The following CACNB2 variants were observed in gnomAD, a reference collection of about 807,000 sequenced individuals.
CACNB2 encodes voltage-dependent L-type calcium channel subunit beta-2.
In CACNB2, 42 loss-of-function variants were observed where a neutral mutation model predicts 73.3. The ratio of observed to expected loss-of-function variants is 0.57; its 90% CI spans 0.45 to 0.74. The LOEUF (loss-of-function observed/expected upper bound fraction) is 0.74. CACNB2 is among the 30% of genes least tolerant of loss of function. The pLI is 0.00. For synonymous variants in CACNB2, 348 were observed against 310.3 expected (o/e 1.12, Z -1.28); for missense variants, 940 against 853.0 (o/e 1.10, Z -1.27).
chr10:18,323,263 C>A (rs990041889), intron 2 of CACNB2, among the ~76,000 whole-genome samples: 1 of 151,942 alleles, frequency 6.6e-6, no homozygotes, highest in Non-Finnish European at 1.5e-5. Context: ...CTGGCCTCTC[C>A]TTGTTTTTCT....
chr10:18,238,892 G>C (rs1393017016), intron 2 of CACNB2, among the ~76,000 whole-genome samples: 2 of 152,138 alleles, frequency 1.3e-5, no homozygotes, highest in African/African-American at 4.8e-5. Context: ...AATGAAAAAA[G>C]ACCTGATTCG....
chr10:18,241,804 A>G lies in CACNB2; in HGVS notation c.213+90829A>G, dbSNP rs535093038. On this transcript the variant is annotated intron_variant, in intron 2 of 13. Transcript: ENST00000324631. ...CTTTTAATCTTTATAGTCTGCTGAA[A>G]AGCCAGAGAAATGACTTCTGGAATA... Among the ~76,000 whole-genome samples, 24 of 152,188 alleles carry G rather than the reference A, an allele frequency of 1.6e-4. No homozygotes were observed. In the South Asian group the frequency reaches 4.8e-3, roughly 30 times the overall value.
intron 2 of CACNB2, among the ~76,000 whole-genome samples, chr10:18,289,559 G>C (rs528197155): frequency 3.9e-5 from 6 of 152,100 alleles, no homozygotes; most frequent in Non-Finnish European, 8.8e-5. Context: ...CTCTCAAAGT[G>C]CTGGGATTAC....
At chr10:18,287,534 T>A (rs1035620799) in intron 2 of CACNB2, among the ~76,000 whole-genome samples, 1 of 151,520 alleles carries the variant, frequency 6.6e-6, no homozygotes, top group African/African-American at 2.4e-5. Flanking sequence ...AAATTTACTG[T>A]CTCACAGCTC....
Position 18,144,634 on chromosome 10 carries a change from C to G in CACNB2, c.120+3778C>G, listed in dbSNP as rs150725869. Among the ~76,000 whole-genome samples, 408 of 152,286 alleles carry G rather than the reference C, an allele frequency of 2.7e-3. 3 individuals carry two copies. The highest frequency in any genetic ancestry group is 5.1e-3 in the Non-Finnish European group (348 of 68,030). ...GCCCTTGAAATGTGGCTGGTCTGAA[C>G]TGATATGTGCTGTAAATGTGAAATA... is the stretch of plus-strand genomic sequence containing the variant. On this transcript the variant is annotated intron_variant, in intron 1 of 13. Coordinates refer to ENST00000324631, the MANE Select transcript of CACNB2 (RefSeq NM_201596.3).
chr10:18,241,891 G>A (rs914331776), intron 2 of CACNB2, among the ~76,000 whole-genome samples: 2 of 151,980 alleles, frequency 1.3e-5, no homozygotes, highest in South Asian at 4.1e-4. Flanking sequence ...TTTTGAAAGA[G>A]AAGAATTGTA....
At chr10:18,288,223 A>G (rs2038888175) in intron 2 of CACNB2, among the ~76,000 whole-genome samples, 1 of 152,246 alleles carries the variant, frequency 6.6e-6, no homozygotes, top group Non-Finnish European at 1.5e-5. Context: ...TTGTGGGGTC[A>G]TAACTCAAAC....
chr10:18,222,066 A>T (rs2035814244), intron 2 of CACNB2, among the ~76,000 whole-genome samples: 1 of 152,350 alleles, frequency 6.6e-6, no homozygotes, highest in South Asian at 2.1e-4. Context: ...CTAACGTTAC[A>T]AGGAAAGGAA....
chr10:18,278,725 TA>T (rs2038406576), intron 2 of CACNB2, among the ~76,000 whole-genome samples: 1 of 152,154 alleles, frequency 6.6e-6, no homozygotes, highest in Non-Finnish European at 1.5e-5. Context: ...ATAAATTTTT[TA>T]AAAAAACTTC....
chr10:18,500,841 A>T lies in CACNB2; in HGVS notation c.486A>T (p.Arg162=), dbSNP rs774672394. Reference sequence around the variant, plus strand: ...TTAACAATGACTGGTGGATAGGGCGATTGGTAAAAGAAGGCTGTGAAATCG... The same window carrying T: ...TTAACAATGACTGGTGGATAGGGCGTTTGGTAAAAGAAGGCTGTGAAATCG... ...EKFNNDWWIG[R]LVKEGCEIGF... The change falls in exon 5 of 14, where the codon CGA becomes CGT. Residue 162 remains arginine (R), a synonymous_variant. Coordinates refer to ENST00000324631, the MANE Select transcript of CACNB2 (RefSeq NM_201596.3). 2.5e-6 allele frequency: 4 copies of T among 1,614,030 alleles called. No individual in the cohort carries two copies. Among genetic ancestry groups the T allele is most frequent in the South Asian group, 2.2e-5 (2 of 91,082 alleles).
chr10:18,304,342 C>G (rs1160505383), intron 2 of CACNB2, among the ~76,000 whole-genome samples: 2 of 152,114 alleles, frequency 1.3e-5, no homozygotes, highest in East Asian at 3.8e-4. Flanking sequence ...AGTATATTAT[C>G]TCAAATGAGG....
intron 2 of CACNB2, among the ~76,000 whole-genome samples, chr10:18,247,736 G>T (rs138496325): frequency 1.3e-5 from 2 of 152,186 alleles, no homozygotes; most frequent in Non-Finnish European, 2.9e-5. Context: ...TTTGGTGTCT[G>T]GTGACAAACT....
intron 2 of CACNB2, chr10:18,340,748 C>T (rs1054461977): frequency 1.2e-5 from 18 of 1,502,432 alleles, no homozygotes; most frequent in Middle Eastern, 2.3e-4. Flanking sequence ...TGTGATCCGA[C>T]GAACTTTAGA....
intron 7 of CACNB2, 87 bp downstream of exon 7, chr10:18,514,456 G>GATAAGCCA: frequency 1.2e-6 from 2 of 1,613,852 alleles, no homozygotes; most frequent in Non-Finnish European, 1.7e-6. Context: ...TGCGTCCTTT[G>GATAAGCCA]ATAAGCCAAT....
chr10:18,489,041 C>T lies in CACNB2; in HGVS notation c.334-9314C>T, dbSNP rs967247328. Among the ~76,000 whole-genome samples the T allele has an allele frequency of 7.9e-5, 12 of 151,808 alleles. No homozygotes were observed. In the South Asian group the frequency reaches 1.0e-3, roughly 13 times the overall value. Reference sequence around the variant, plus strand: ...AAAAATACAAAATATTGGCCGGGCACGGTGGCTCACACTTATAATCCCAGC... The same window carrying T: ...AAAAATACAAAATATTGGCCGGGCATGGTGGCTCACACTTATAATCCCAGC... On this transcript the variant is annotated intron_variant, in intron 3 of 13. Transcript: ENST00000324631.
chr10:18,340,952 C>T lies in CACNB2; in HGVS notation c.214-60972C>T, dbSNP rs1409641626. 1.2e-6 allele frequency: 2 copies of T among 1,614,130 alleles called. No homozygotes were observed. Among genetic ancestry groups the T allele is most frequent in the Non-Finnish European group, 1.7e-6 (2 of 1,180,024 alleles). On this transcript the variant is annotated intron_variant, in intron 2 of 13. Coordinates refer to ENST00000324631, the MANE Select transcript of CACNB2 (RefSeq NM_201596.3). ...ATGCTTGACAGACGCCTTATAGCTC[C>T]TCAAACTAAATACATTATTCCTGGG...
intron 3 of CACNB2, among the ~76,000 whole-genome samples, chr10:18,460,594 T>C (rs957911369): frequency 1.3e-5 from 2 of 152,010 alleles, no homozygotes; most frequent in African/African-American, 4.8e-5. Flanking sequence ...TTTAAAAAAA[T>C]AAATAAAGGA....
rs1245588500 is a variant in CACNB2 at position 18,502,721 on chromosome 10, AAAAC to A, written c.593+1774_593+1777del. Among the ~76,000 whole-genome samples, 108 of 137,934 alleles carry A rather than the reference AAAAC, an allele frequency of 7.8e-4. 1 individual carries two copies. Among genetic ancestry groups the A allele is most frequent in the African/African-American group, 2.8e-3 (106 of 37,312 alleles). 90.5% of individuals were successfully genotyped at this position (137,934 alleles called of 152,430 possible). A position where few individuals can be genotyped will look rare whatever the true frequency, so the allele number is the denominator to read the frequency against. ...AAAAAAAAAAAAAAAAAAAAAAAAAAAAACCGCATGTTTTTACTTATAAGTGAGA... is the reference window on the plus strand; with the variant it reads ...AAAAAAAAAAAAAAAAAAAAAAAAAACGCATGTTTTTACTTATAAGTGAGA... On this transcript the variant is annotated intron_variant, in intron 5 of 13. Coordinates refer to ENST00000324631, the MANE Select transcript of CACNB2 (RefSeq NM_201596.3).
At position 18,140,673 on chromosome 10, in the gene CACNB2, G is replaced by A; in HGVS notation, c.-64G>A. The A allele has an allele frequency of 1.4e-6, 2 of 1,415,578 alleles. No individual in the cohort carries two copies. The highest frequency in any genetic ancestry group is 3.8e-5 in the Admixed American group (2 of 52,606). The allele number at this position is 1,415,578 out of a possible 1,614,324, so 87.7% of individuals were successfully genotyped here. A position where few individuals can be genotyped will look rare whatever the true frequency, so the allele number is the denominator to read the frequency against. On this transcript the variant is annotated 5_prime_UTR_variant, in exon 1 of 14. Transcript: ENST00000324631. ...AGCCGATCAGAGCGCGGGGAGGCGG[G>A]GGCGAGGAGGAGGGGACCCGCCGCC... is the stretch of plus-strand genomic sequence containing the variant.
Sources: gnomAD v4.1 joint callset for allele counts (sites outside exome capture counted in the v4.1 genomes callset) on GRCh38, gnomAD v4.1.1 for gene constraint, MANE v1.5 for transcripts, NCBI Gene and HGNC (gene_info 2026-07-23, HGNC 2026-07-21) for gene names.